WDR35: variants seen among roughly 807,000 people sequenced by gnomAD.
WDR35 encodes WD repeat domain 35, also known as WD repeat-containing protein 35.
Under a neutral mutation model 158.3 loss-of-function variants are expected in WDR35, and 118 were observed. That is an observed-to-expected ratio of 0.75 (90% confidence interval 0.64 to 0.87). WDR35 has a LOEUF of 0.87. WDR35 is among the 40% of genes least tolerant of loss of function. WDR35 has a pLI of 0.00. For missense variants in WDR35, 1,263 were observed against 1,405.8 expected (o/e 0.90, Z 1.62); for synonymous variants, 448 against 476.1 (o/e 0.94, Z 0.77).
intron 17 of WDR35, among the ~76,000 whole-genome samples, chr2:19,939,536 C>A (rs925360785): frequency 7.9e-5 from 12 of 152,054 alleles, no homozygotes; most frequent in African/African-American, 1.7e-4. Context: ...ATTAAATTAA[C>A]ACTAAAAAAG....
rs1276298140 is a variant in WDR35 at position 19,975,664 on chromosome 2, C to T, written c.437-1G>A. 4 of 1,613,856 alleles carry T rather than the reference C, an allele frequency of 2.5e-6. No individual in the cohort carries two copies. The highest frequency in any genetic ancestry group is 2.7e-5 in the African/African-American group (2 of 74,920). ...AGGTCTTTTCCCCAAATACGATTGC[C>T]TAAAACAAAACATTATTAAAAGTTG... On this transcript the variant is annotated splice_acceptor_variant, in intron 5 of 26. Transcript: ENST00000281405. LOFTEE classifies it high-confidence loss of function.
At chr2:19,974,417 A>G in intron 7 of WDR35, 51 bp downstream of exon 7, 1 of 1,491,574 alleles carries the variant, frequency 6.7e-7, no homozygotes, top group East Asian at 2.5e-5. Flanking sequence ...TCAAAAAGAA[A>G]AAAAAAAAAA....
chr2:19,978,453 C>G (rs1185604628), intron 5 of WDR35, among the ~76,000 whole-genome samples: 1 of 151,756 alleles, frequency 6.6e-6, no homozygotes, highest in South Asian at 2.1e-4. Flanking sequence ...TACAGACTAA[C>G]CAATATAAAA....
Position 19,938,322 on chromosome 2 carries a change from T to C in WDR35, c.2006A>G (p.Lys669Arg), listed in dbSNP as rs768378419. ...SLRDSRALIEKVGIKDASQFI... is the reference protein window; with the variant it reads ...SLRDSRALIERVGIKDASQFI... ...CTGAGATGCATCTTTAATTCCAACC[T>C]TCTCAATCAGTGCTCGGCTATCTCG... Residue 669 changes from lysine (K) to arginine (R), a missense_variant, in exon 18 of 27, where the codon AAG (lysine) becomes AGG (arginine). Transcript: ENST00000281405. 4.3e-6 allele frequency: 7 copies of C among 1,613,990 alleles called. No homozygotes were observed.
Position 19,953,923 on chromosome 2 carries a change from T to C in WDR35, c.1311A>G (p.Ala437=). 3 of 1,614,192 alleles carry C rather than the reference T, an allele frequency of 1.9e-6. No individual in the cohort carries two copies. Among genetic ancestry groups the C allele is most frequent in the Non-Finnish European group, 2.5e-6 (3 of 1,180,018 alleles). Residue 437 remains alanine, a synonymous_variant, in exon 12 of 27, where the codon GCA becomes GCG. Transcript: ENST00000281405. ...KTHVIAASKE[A]FYTWQYRVAK... Reference sequence around the variant, plus strand: ...CCACACGATATTGCCAGGTATAAAATGCTTCTTTCGAGGCTGCTATCACAT... The same window carrying C: ...CCACACGATATTGCCAGGTATAAAACGCTTCTTTCGAGGCTGCTATCACAT...
chr2:19,916,074 A>G (rs1669983307), intron 25 of WDR35, among the ~76,000 whole-genome samples: 1 of 152,128 alleles, frequency 6.6e-6, no homozygotes, highest in African/African-American at 2.4e-5. Flanking sequence ...GACTAGTTGG[A>G]CAGTGGGTGC....
chr2:19,925,210 T>C (rs1205415137), intron 25 of WDR35, among the ~76,000 whole-genome samples: 2 of 152,214 alleles, frequency 1.3e-5, no homozygotes. Flanking sequence ...AAGTCTAGTT[T>C]AAGTTTAAAA....
chr2:19,913,971 T>G (rs1558317951), intron 26 of WDR35, 66 bp downstream of exon 26: 2 of 1,605,332 alleles, frequency 1.2e-6, no homozygotes, highest in Non-Finnish European at 1.7e-6. Flanking sequence ...ACATTAAACA[T>G]TGTACATCTA....
intron 25 of WDR35, among the ~76,000 whole-genome samples, chr2:19,924,607 G>A (rs1314500529): frequency 1.3e-5 from 2 of 152,194 alleles, no homozygotes; most frequent in Non-Finnish European, 2.9e-5. Flanking sequence ...AGGATATAGT[G>A]CTGCAGTTAT....
intron 25 of WDR35, among the ~76,000 whole-genome samples, chr2:19,929,491 T>C (rs1670461970): frequency 6.6e-6 from 1 of 152,194 alleles, no homozygotes; most frequent in Non-Finnish European, 1.5e-5. Context: ...AGACCAGTAA[T>C]GATTTAGTCA....
intron 25 of WDR35, among the ~76,000 whole-genome samples, chr2:19,916,353 A>G (rs1328567368): frequency 6.6e-6 from 1 of 152,100 alleles, no homozygotes; most frequent in East Asian, 1.9e-4. Flanking sequence ...GTTTTTCTTC[A>G]TACCCCAGTG....
intron 16 of WDR35, among the ~76,000 whole-genome samples, chr2:19,942,257 A>G (rs1670904026): frequency 1.3e-5 from 2 of 152,202 alleles, no homozygotes; most frequent in African/African-American, 4.8e-5. Context: ...ATTCAATATT[A>G]AAGTTAATTC....
At chr2:19,957,218 C>T (rs1671474929) in intron 11 of WDR35, among the ~76,000 whole-genome samples, 1 of 152,158 alleles carries the variant, frequency 6.6e-6, no homozygotes, top group African/African-American at 2.4e-5. Context: ...GTTCTTTTCA[C>T]TTTTATCACC....
intron 13 of WDR35, among the ~76,000 whole-genome samples, chr2:19,949,958 G>A (rs947365060): frequency 4.6e-5 from 7 of 152,138 alleles, no homozygotes; most frequent in African/African-American, 1.4e-4. Flanking sequence ...AACTTGGGGG[G>A]CTTTTGAGCT....
Position 19,910,936 on chromosome 2 carries a change from T to TG in WDR35, c.*2621dup. On this transcript the variant is annotated 3_prime_UTR_variant, in exon 27 of 27. Coordinates refer to ENST00000281405, the MANE Select transcript of WDR35 (RefSeq NM_020779.4). ...AAAGATGTGCCTGTCTATATACATA[T>TG]GCGCGCACACACACACGCACACAAA... 1 of 152,280 alleles carries TG rather than the reference T, an allele frequency of 6.6e-6. No individual in the cohort carries two copies. The highest frequency in any genetic ancestry group is 2.1e-4 in the South Asian group (1 of 4,832). The allele number at this position is 152,280 out of a possible 1,614,324, so 9.4% of individuals were successfully genotyped here. A position where few individuals can be genotyped will look rare whatever the true frequency, so the allele number is the denominator to read the frequency against.
At chr2:19,924,481 G>A (rs1007104792) in intron 25 of WDR35, among the ~76,000 whole-genome samples, 1 of 152,216 alleles carries the variant, frequency 6.6e-6, no homozygotes, top group African/African-American at 2.4e-5. Flanking sequence ...GGAGAATGGC[G>A]TGAACCCGGG....
intron 5 of WDR35, among the ~76,000 whole-genome samples, chr2:19,976,669 T>C (rs1410706477): frequency 6.6e-6 from 1 of 150,836 alleles, no homozygotes; most frequent in East Asian, 2.0e-4. Context: ...TGATGGCCTG[T>C]TGCTAAAGCC....
rs768327300 is a variant in WDR35 at position 19,938,415 on chromosome 2, T to C, written c.1927-14A>G. ...ATGTTCTGGATCCTAAAAGTAAAGA[T>C]GAAAACAAAAAAATTCAAATATTTG... On this transcript the variant is annotated splice_polypyrimidine_tract_variant and intron_variant, in intron 17 of 26. Coordinates refer to ENST00000281405, the MANE Select transcript of WDR35 (RefSeq NM_020779.4). 1.7e-5 allele frequency: 27 copies of C among 1,613,100 alleles called. No individual in the cohort carries two copies. The highest frequency in any genetic ancestry group is 2.1e-5 in the Non-Finnish European group (25 of 1,179,712).
At chr2:19,963,496 A>C (rs1671736180) in intron 10 of WDR35, among the ~76,000 whole-genome samples, 1 of 152,022 alleles carries the variant, frequency 6.6e-6, no homozygotes, top group Admixed American at 6.6e-5. Context: ...TATCCCCTTA[A>C]ATTTCTCTTG....
Sources: gnomAD v4.1 joint callset for allele counts (sites outside exome capture counted in the v4.1 genomes callset) on GRCh38, gnomAD v4.1.1 for gene constraint, MANE v1.5 for transcripts, NCBI Gene and HGNC (gene_info 2026-07-23, HGNC 2026-07-21) for gene names.